Variants in KHDRBS3 observed in about 807,000 individuals in gnomAD.
KHDRBS3 encodes the protein KH RNA binding domain containing, signal transduction associated 3, also known as KH domain-containing, RNA-binding, signal transduction-associated protein 3.
In KHDRBS3, 23 loss-of-function variants were observed where a neutral mutation model predicts 45.6. The ratio of observed to expected loss-of-function variants is 0.50; its 90% CI spans 0.36 to 0.72. The LOEUF (loss-of-function observed/expected upper bound fraction) is 0.72. KHDRBS3 is among the 30% of genes least tolerant of loss of function. KHDRBS3 has a pLI of 0.00. For synonymous variants in KHDRBS3, 162 were observed against 156.5 expected (o/e 1.04, Z -0.26); for missense variants, 352 against 424.8 (o/e 0.83, Z 1.51).
intron 1 of KHDRBS3, among the ~76,000 whole-genome samples, chr8:135,462,543 T>C (rs1821485448): frequency 6.6e-6 from 1 of 152,210 alleles, no homozygotes; most frequent in African/African-American, 2.4e-5. Context: ...CCTTCAACTA[T>C]GCTGAAATAT....
Position 135,457,771 on chromosome 8 carries a change from G to T in KHDRBS3, c.-96G>T. On this transcript the variant is annotated 5_prime_UTR_variant, in exon 1 of 9. Transcript: ENST00000355849. The surrounding 1 kb of genome is among the most constrained non-coding windows in gnomAD (Gnocchi z 4.4). Reference sequence around the variant, plus strand: ...CGCTGCTGCCGCGTCTGGCCCCCGGGTCCCCGCCGCTGGGGGCGCGGGCGG... The same window carrying T: ...CGCTGCTGCCGCGTCTGGCCCCCGGTTCCCCGCCGCTGGGGGCGCGGGCGG... 1 of 536,150 alleles carries T rather than the reference G, an allele frequency of 1.9e-6. No homozygotes were observed. The highest frequency in any genetic ancestry group is 2.7e-6 in the Non-Finnish European group (1 of 374,646). The allele number at this position is 536,150 out of a possible 1,614,324, so 33.2% of individuals were successfully genotyped here.
intron 1 of KHDRBS3, among the ~76,000 whole-genome samples, chr8:135,473,234 C>T (rs1047603996): frequency 3.3e-5 from 5 of 152,082 alleles, no homozygotes; most frequent in African/African-American, 9.7e-5. Flanking sequence ...CTTCCTGGCT[C>T]CTCAAAGCTT....
chr8:135,488,521 G>T (rs1563715933), intron 1 of KHDRBS3, among the ~76,000 whole-genome samples: 1 of 152,302 alleles, frequency 6.6e-6, no homozygotes, highest in Non-Finnish European at 1.5e-5. Context: ...ATGCGTACTG[G>T]TGTTTGGATT....
chr8:135,514,943 T>TTAATTATAATTTAA, intron 1 of KHDRBS3, among the ~76,000 whole-genome samples: 1 of 152,322 alleles, frequency 6.6e-6, no homozygotes, highest in Middle Eastern at 3.4e-3. Flanking sequence ...TATAATTTAA[T>TTAATTATAATTTAA]TACTGCTGGT....
At chr8:135,485,956 C>T (rs576021497) in intron 1 of KHDRBS3, among the ~76,000 whole-genome samples, 2 of 151,512 alleles carry the variant, frequency 1.3e-5, no homozygotes, top group African/African-American at 4.9e-5. Context: ...CCTTAGCTCC[C>T]GTCTGGTGTC....
At chr8:135,603,386 T>G (rs564826603) in intron 6 of KHDRBS3, among the ~76,000 whole-genome samples, 8 of 152,388 alleles carry the variant, frequency 5.2e-5, no homozygotes, top group African/African-American at 7.2e-5. Flanking sequence ...TGCATTTTGC[T>G]ACTTACCTGA....
intron 4 of KHDRBS3, among the ~76,000 whole-genome samples, chr8:135,652,822 G>A (rs1030785530): frequency 6.6e-6 from 1 of 152,138 alleles, no homozygotes; most frequent in African/African-American, 2.4e-5. Flanking sequence ...CCACCAGATT[G>A]TAAATATCTT....
intron 1 of KHDRBS3, among the ~76,000 whole-genome samples, chr8:135,510,072 T>C (rs936983299): frequency 2.7e-5 from 4 of 149,698 alleles, no homozygotes; most frequent in African/African-American, 9.9e-5. Context: ...CTTGACCTCC[T>C]GGGCTCAAGC....
chr8:135,471,656 G>A (rs1822021525), intron 1 of KHDRBS3, among the ~76,000 whole-genome samples: 1 of 152,150 alleles, frequency 6.6e-6, no homozygotes, highest in Admixed American at 6.5e-5. Flanking sequence ...TCACATAGTG[G>A]TAGAAACGTC....
In KHDRBS3 at chr8:135,548,740, T is replaced by C; in HGVS notation, c.325-14T>C. The C allele has an allele frequency of 1.3e-6, 2 of 1,502,884 alleles. No individual in the cohort carries two copies. The highest frequency in any genetic ancestry group is 1.8e-6 in the Non-Finnish European group (2 of 1,124,584). 93.1% of individuals were successfully genotyped at this position (1,502,884 alleles called of 1,614,324 possible). A position where few individuals can be genotyped will look rare whatever the true frequency, so the allele number is the denominator to read the frequency against. ...ACACGTTTTTAAATGTGATTTCTTT[T>C]TTCCTTTTTCCAGGAAGAAGAGTTG... On this transcript the variant is annotated splice_polypyrimidine_tract_variant and intron_variant, in intron 3 of 8. Coordinates refer to ENST00000355849, the MANE Select transcript of KHDRBS3 (RefSeq NM_006558.3).
chr8:135,593,989 T>G (rs1416258430), intron 6 of KHDRBS3, among the ~76,000 whole-genome samples: 1 of 152,134 alleles, frequency 6.6e-6, no homozygotes, highest in Non-Finnish European at 1.5e-5. Context: ...CTGCGCAGAC[T>G]CGATGTGATA....
chr8:135,645,588 G>A (rs1380382904), intron 8 of KHDRBS3, among the ~76,000 whole-genome samples: 2 of 151,854 alleles, frequency 1.3e-5, no homozygotes, highest in African/African-American at 4.9e-5. Context: ...GGTTACAAAA[G>A]CACTGAGCCA....
chr8:135,461,167 C>T (rs779703674), intron 1 of KHDRBS3, among the ~76,000 whole-genome samples: 1 of 152,188 alleles, frequency 6.6e-6, no homozygotes, highest in Non-Finnish European at 1.5e-5. Context: ...TGCAGTGACA[C>T]AATCTAGGCT....
intron 1 of KHDRBS3, among the ~76,000 whole-genome samples, chr8:135,514,708 C>T (rs906628130): frequency 6.6e-6 from 1 of 151,994 alleles, no homozygotes; most frequent in African/African-American, 2.4e-5. Flanking sequence ...TTTTTAATAA[C>T]AGTTTAAAAA....
intron 1 of KHDRBS3, among the ~76,000 whole-genome samples, chr8:135,469,522 GGTTTTTTTTT>G (rs1821888092): frequency 4.8e-5 from 1 of 20,784 alleles, no homozygotes; most frequent in African/African-American, 1.5e-4. Flanking sequence ...TTTTTGTTTT[GGTTTTTTTTT>G]TTTTTTTTTT....
chr8:135,492,084 T>G (rs563929741), intron 1 of KHDRBS3, among the ~76,000 whole-genome samples: 179 of 152,282 alleles, frequency 1.2e-3, no homozygotes, highest in Non-Finnish European at 2.2e-3. Context: ...TATTACTTCT[T>G]GTGGATACCA....
chr8:135,499,868 G>T (rs1823644907), intron 1 of KHDRBS3, among the ~76,000 whole-genome samples: 1 of 152,040 alleles, frequency 6.6e-6, no homozygotes, highest in Non-Finnish European at 1.5e-5. Flanking sequence ...TCATTCCTGT[G>T]CTAGAGTTCT....
At chr8:135,534,703 C>G (rs1825645902) in intron 2 of KHDRBS3, among the ~76,000 whole-genome samples, 1 of 152,176 alleles carries the variant, frequency 6.6e-6, no homozygotes, top group Non-Finnish European at 1.5e-5. Flanking sequence ...ACCATACATG[C>G]AAGCCTTCAG....
intron 6 of KHDRBS3, among the ~76,000 whole-genome samples, chr8:135,605,291 T>C (rs925313565): frequency 1.4e-4 from 22 of 152,154 alleles, no homozygotes; most frequent in African/African-American, 5.3e-4. Context: ...CATTTGATGC[T>C]GTCCCATAGG....
Sources: allele counts gnomAD v4.1 joint callset (sites outside exome capture counted in the v4.1 genomes callset), GRCh38; gene constraint gnomAD v4.1.1; non-coding constraint Gnocchi (gnomAD v3.1); transcripts MANE v1.5; gene names NCBI Gene and HGNC (gene_info 2026-07-23, HGNC 2026-07-21).